The following STX8 variants were observed in gnomAD, a reference collection of about 807,000 sequenced individuals.
STX8 encodes the protein syntaxin-8.
Under a neutral mutation model 37.5 loss-of-function variants are expected in STX8, and 23 were observed. That is an observed-to-expected ratio of 0.61 (90% CI 0.44 to 0.87). The LOEUF (loss-of-function observed/expected upper bound fraction) is 0.87, where lower values mean the gene tolerates loss of function less well. Ranked by LOEUF, STX8 falls within the 40% of genes least tolerant of loss-of-function variation. The pLI, the probability that STX8 is intolerant of heterozygous loss-of-function variation, is 0.00. For missense variants in STX8, 313 were observed against 284.7 expected (o/e 1.10, Z -0.71); for synonymous variants, 115 against 99.1 (o/e 1.16, Z -0.95).
At chr17:9,312,747 G>A (rs1300087708) in intron 7 of STX8, among the ~76,000 whole-genome samples, 2 of 152,124 alleles carry the variant, frequency 1.3e-5, no homozygotes, top group Non-Finnish European at 2.9e-5. Context: ...ATTACAGAGA[G>A]GAATTTTTAG....
At chr17:9,525,449 C>T (rs1905527497) in intron 4 of STX8, among the ~76,000 whole-genome samples, 2 of 151,946 alleles carry the variant, frequency 1.3e-5, no homozygotes, top group Admixed American at 6.6e-5. Context: ...TGGGTTCACA[C>T]CATTCTCCTG....
intron 6 of STX8, among the ~76,000 whole-genome samples, chr17:9,387,467 T>C (rs7342826): frequency 0.28 from 42,764 of 152,096 alleles, 6,714 homozygotes; most frequent in African/African-American, 0.43. Context: ...GCTAATTTTT[T>C]GTATTTTTAG....
At chr17:9,538,783 C>A (rs1567602400) in intron 4 of STX8, among the ~76,000 whole-genome samples, 1 of 152,130 alleles carries the variant, frequency 6.6e-6, no homozygotes, top group Non-Finnish European at 1.5e-5. Flanking sequence ...AAAGCTTAGC[C>A]AATTAGCCAC....
chr17:9,493,024 G>A (rs62066191), intron 5 of STX8, among the ~76,000 whole-genome samples: 2,247 of 152,018 alleles, frequency 0.015, 24 homozygotes, highest in Non-Finnish European at 0.022. Flanking sequence ...TGTGAACCCA[G>A]GAAGCGGAGA....
chr17:9,328,772 G>A (rs1235358186), intron 7 of STX8, among the ~76,000 whole-genome samples: 6 of 152,210 alleles, frequency 3.9e-5, no homozygotes, highest in East Asian at 3.9e-4. Context: ...GGCTGAGGCC[G>A]GATGCGGTGG....
At chr17:9,434,056 T>G (rs918053881) in intron 6 of STX8, among the ~76,000 whole-genome samples, 2 of 151,820 alleles carry the variant, frequency 1.3e-5, no homozygotes, top group South Asian at 2.1e-4. Flanking sequence ...TAGGCTGGAG[T>G]GCACTGGCGC....
intron 6 of STX8, among the ~76,000 whole-genome samples, chr17:9,384,123 G>A (rs1161329756): frequency 7.8e-6 from 1 of 128,444 alleles, no homozygotes; most frequent in Admixed American, 7.4e-5. Flanking sequence ...ACCCTCATTT[G>A]TTATTTTTTT....
chr17:9,255,100 G>A lies in STX8; in HGVS notation c.644-4455C>T, dbSNP rs574970173. Among the ~76,000 whole-genome samples, 13 of 152,266 alleles carry A rather than the reference G, an allele frequency of 8.5e-5. No individual in the cohort carries two copies. The South Asian group carries it at 1.9e-3, about 22-fold the overall frequency. On this transcript the variant is annotated intron_variant, in intron 7 of 7. Transcript: ENST00000306357. ...AGACCTTTCATAGTACAGTTTTAGC[G>A]CATGGTGGGTGGGTCTAGTGGAACT...
chr17:9,441,827 C>T (rs1904670338), intron 6 of STX8, among the ~76,000 whole-genome samples: 1 of 151,890 alleles, frequency 6.6e-6, no homozygotes, highest in South Asian at 2.1e-4. Flanking sequence ...AGGCGCCCAC[C>T]ACCACGCCCG....
At chr17:9,508,054 A>G (rs545408655) in intron 4 of STX8, among the ~76,000 whole-genome samples, 41 of 152,326 alleles carry the variant, frequency 2.7e-4, no homozygotes, top group Non-Finnish European at 2.2e-4. Flanking sequence ...AAGGAATACA[A>G]TAATTCCTGT....
intron 7 of STX8, among the ~76,000 whole-genome samples, chr17:9,289,202 T>C (rs931056356): frequency 6.6e-6 from 1 of 152,290 alleles, no homozygotes; most frequent in Middle Eastern, 3.4e-3. Flanking sequence ...ACAAGGGAGA[T>C]AATAAAGATA....
intron 6 of STX8, among the ~76,000 whole-genome samples, chr17:9,468,460 G>A (rs1397925322): frequency 2.0e-5 from 3 of 152,156 alleles, no homozygotes; most frequent in Non-Finnish European, 4.4e-5. Flanking sequence ...AAAATGTTAG[G>A]AATGGGGTGA....
intron 6 of STX8, chr17:9,469,051 G>A (rs916055406): frequency 1.3e-5 from 2 of 152,224 alleles, no homozygotes; most frequent in Non-Finnish European, 2.9e-5. Flanking sequence ...GGTTAAGCCA[G>A]ATGGTTAGAA....
chr17:9,324,902 G>A (rs992479492), intron 7 of STX8, among the ~76,000 whole-genome samples: 2 of 152,110 alleles, frequency 1.3e-5, no homozygotes, highest in East Asian at 1.9e-4. Flanking sequence ...TTTTGACTTC[G>A]AGATGATGCA....
At chr17:9,319,372 T>C (rs1316170544) in intron 7 of STX8, among the ~76,000 whole-genome samples, 1 of 152,050 alleles carries the variant, frequency 6.6e-6, no homozygotes, top group Non-Finnish European at 1.5e-5. Flanking sequence ...TGAGCCGAGA[T>C]TGTGCCACTG....
intron 6 of STX8, chr17:9,452,513 G>A (rs16958287): frequency 0.06 from 9,106 of 152,152 alleles, 709 homozygotes; most frequent in African/African-American, 0.17. Flanking sequence ...CAGGTAGGTG[G>A]TAGGAAGTGC....
intron 6 of STX8, among the ~76,000 whole-genome samples, chr17:9,414,783 CTTTTTTTTT>C (rs10552538): frequency 5.2e-5 from 3 of 57,436 alleles, no homozygotes; most frequent in East Asian, 1.3e-3. Context: ...CTGAGTTCTG[CTTTTTTTTT>C]TTTTTTTTTT....
chr17:9,443,243 G>A (rs1409867740), intron 6 of STX8, among the ~76,000 whole-genome samples: 3 of 152,142 alleles, frequency 2.0e-5, no homozygotes, highest in African/African-American at 2.4e-5. Flanking sequence ...TAATCTTCAC[G>A]TTTGGAGCTG....
intron 7 of STX8, among the ~76,000 whole-genome samples, chr17:9,269,167 A>C (rs1308303700): frequency 6.7e-6 from 1 of 148,636 alleles, no homozygotes; most frequent in South Asian, 2.1e-4. Context: ...AGCCTGGGCG[A>C]TAGAGCAAGA....
Sources: gnomAD v4.1 joint callset for allele counts (sites outside exome capture counted in the v4.1 genomes callset) on GRCh38, gnomAD v4.1.1 for gene constraint, MANE v1.5 for transcripts, NCBI Gene and HGNC (gene_info 2026-07-23, HGNC 2026-07-21) for gene names.